Variants in MYF5 observed in about 807,000 individuals in gnomAD.
The protein encoded by MYF5 is class C basic helix-loop-helix protein 2.
Under a neutral mutation model 22.3 loss-of-function variants are expected in MYF5, and 20 were observed. The observed-to-expected ratio is 0.90, with a 90% confidence interval of 0.63 to 1.30. The LOEUF (loss-of-function observed/expected upper bound fraction) is 1.30. MYF5 is among the 50% of genes most tolerant of loss of function. The pLI is 0.00. For synonymous variants in MYF5, 141 were observed against 128.4 expected, an observed-to-expected ratio of 1.10 and a Z score of -0.66; for missense variants, 348 against 325.9, an observed-to-expected ratio of 1.07 and a Z score of -0.52.
In MYF5 at chr12:80,717,131, C is replaced by G. The variant is rs763595024; in HGVS notation, c.68C>G (p.Ser23Cys). Residue 23 changes from serine to cysteine, a missense_variant, in exon 1 of 3, where the codon TCC (serine) becomes TGC (cysteine). By Grantham distance (112) the Ser-to-Cys change is moderately radical. Coordinates refer to ENST00000228644, the MANE Select transcript of MYF5 (RefSeq NM_005593.3). ...EYFYDGSCIP[S>C]PEGEFGDEFV... ...TTCTACGACGGCTCCTGCATACCGTCCCCCGAGGGTGAATTTGGGGACGAG... is the reference window on the plus strand; with the variant it reads ...TTCTACGACGGCTCCTGCATACCGTGCCCCGAGGGTGAATTTGGGGACGAG... 1 of 1,613,586 alleles carries G rather than the reference C, an allele frequency of 6.2e-7. No homozygotes were observed. The highest frequency in any genetic ancestry group is 8.5e-7 in the Non-Finnish European group (1 of 1,180,018).
At chr12:80,717,663 A>T in intron 1 of MYF5, 99 bp downstream of exon 1, 2 of 1,421,614 alleles carry the variant, frequency 1.4e-6, no homozygotes, top group Non-Finnish European at 1.9e-6. Context: ...GGGTGGAGGC[A>T]GATGCTGAGT....
Position 80,718,432 on chromosome 12 carries a change from T to C in MYF5, c.576T>C (p.Asn192=). The change falls in exon 2 of 3, where the codon AAT becomes AAC. Residue 192 remains asparagine (N), a splice_region_variant and synonymous_variant. Coordinates refer to ENST00000228644, the MANE Select transcript of MYF5 (RefSeq NM_005593.3). ...GCATCTACTGTCCTGATGTATCAAA[T>C]GGTAAGAATTGATAACTTCACAGGA... ...FDSIYCPDVS[N]VYATDKNSLS... 6.2e-7 allele frequency: 1 copy of C among 1,609,752 alleles called. No individual in the cohort carries two copies. Among genetic ancestry groups the C allele is most frequent in the South Asian group, 1.1e-5 (1 of 91,014 alleles).
Position 80,719,240 on chromosome 12 carries a change from TTTC to T in MYF5, c.*198_*200del, listed in dbSNP as rs1399052927. On this transcript the variant is annotated 3_prime_UTR_variant, in exon 3 of 3. Transcript: ENST00000228644. Reference sequence around the variant, plus strand: ...AAAAAGTCATCATTGCAAATAATACTTTCTTCTTCTTTATTATTCTTTGCTTAG... The same window carrying T: ...AAAAAGTCATCATTGCAAATAATACTTTCTTCTTTATTATTCTTTGCTTAG... 2.0e-5 allele frequency: 10 copies of T among 493,714 alleles called. No individual in the cohort carries two copies. The South Asian group carries it at 2.5e-4, about 13-fold the overall frequency. 30.6% of individuals were successfully genotyped at this position (493,714 alleles called of 1,614,324 possible). A position where few individuals can be genotyped will look rare whatever the true frequency, so the allele number is the denominator to read the frequency against.
chr12:80,717,027 C>T lies in MYF5; in HGVS notation c.-37C>T. The T allele has an allele frequency of 6.4e-7, 1 of 1,561,790 alleles. No homozygotes were observed. Among genetic ancestry groups the T allele is most frequent in the South Asian group, 1.2e-5 (1 of 86,248 alleles). On this transcript the variant is annotated 5_prime_UTR_variant, in exon 1 of 3. Transcript: ENST00000228644. The stretch of plus-strand genomic sequence containing the variant: ...GGCTCCCGTTTCTCCCCATCCCTCT[C>T]GCTGCCGTCCAGGTGCACCGCCTGC...
chr12:80,718,924 T>A lies in MYF5; in HGVS notation c.641T>A (p.Ile214Asn), dbSNP rs1461693120. 2 of 1,614,030 alleles carry A rather than the reference T, an allele frequency of 1.2e-6. No individual in the cohort carries two copies. The highest frequency in any genetic ancestry group is 2.7e-5 in the African/African-American group (2 of 74,928). ...TGCTTATCCAACATAGTGGACCGGA[T>A]CACCTCCTCAGAGCAACCTGGGTTG... ...LDCLSNIVDR[I>N]TSSEQPGLPL... Residue 214 changes from isoleucine to asparagine, a missense_variant, in exon 3 of 3, where the codon ATC (isoleucine) becomes AAC (asparagine). Ile to Asn is a moderately radical substitution (Grantham distance 149). Transcript: ENST00000228644.
At position 80,718,959 on chromosome 12, in the gene MYF5, G is replaced by T. The variant is rs753011794; in HGVS notation, c.676G>T (p.Asp226Tyr). Residue 226 changes from aspartate (D) to tyrosine (Y), a missense_variant, in exon 3 of 3, where the codon GAT (aspartate) becomes TAT (tyrosine). By Grantham distance (160) the Asp-to-Tyr change is radical (BLOSUM62 -3). Coordinates refer to ENST00000228644, the MANE Select transcript of MYF5 (RefSeq NM_005593.3). ...AGAGCAACCTGGGTTGCCTCTCCAGGATCTGGCTTCTCTCTCTCCAGTTGC... is the reference window on the plus strand; with the variant it reads ...AGAGCAACCTGGGTTGCCTCTCCAGTATCTGGCTTCTCTCTCTCCAGTTGC... ...SSEQPGLPLQ[D>Y]LASLSPVAST... The T allele has an allele frequency of 6.2e-7, 1 of 1,614,066 alleles. No homozygotes were observed. Among genetic ancestry groups the T allele is most frequent in the Non-Finnish European group, 8.5e-7 (1 of 1,180,008 alleles).
chr12:80,718,891 G>T lies in MYF5; in HGVS notation c.608G>T (p.Ser203Ile). ...VYATDKNSLSSLDCLSNIVDR... is the reference protein window; with the variant it reads ...VYATDKNSLSILDCLSNIVDR... ...GCCACAGATAAAAACTCCTTATCCA[G>T]CTTGGATTGCTTATCCAACATAGTG... The change falls in exon 3 of 3, where the codon AGC (serine) becomes ATC (isoleucine). Residue 203 changes from serine (S) to isoleucine (I), a missense_variant. By Grantham distance (142) the Ser-to-Ile change is moderately radical. Coordinates refer to ENST00000228644, the MANE Select transcript of MYF5 (RefSeq NM_005593.3). The T allele has an allele frequency of 6.2e-7, 1 of 1,613,796 alleles. No homozygotes were observed. Among genetic ancestry groups the T allele is most frequent in the East Asian group, 2.2e-5 (1 of 44,868 alleles).
In MYF5 at chr12:80,719,553, C is replaced by A. The variant is rs1433064805; in HGVS notation, c.*502C>A. On this transcript the variant is annotated 3_prime_UTR_variant, in exon 3 of 3. Transcript: ENST00000228644. ...TACTGCCTAATGTATATATTTTGAT[C>A]TTTTCTTGTAAGAAATGTATCTTTT... The A allele has an allele frequency of 6.6e-6, 1 of 151,792 alleles. No homozygotes were observed. The highest frequency in any genetic ancestry group is 2.4e-5 in the African/African-American group (1 of 41,356). The allele number at this position is 151,792 out of a possible 1,614,324, so 9.4% of individuals were successfully genotyped here.
At chr12:80,718,511 G>T in intron 2 of MYF5, 78 bp downstream of exon 2, 1 of 1,262,104 alleles carries the variant, frequency 7.9e-7, no homozygotes, top group Non-Finnish European at 1.2e-6. Context: ...TGTTCTTGCT[G>T]ATAGTATTGG....
In MYF5 at chr12:80,716,927, C is replaced by T; in HGVS notation, c.-137C>T. The T allele has an allele frequency of 2.8e-6, 3 of 1,057,038 alleles. No individual in the cohort carries two copies. The highest frequency in any genetic ancestry group is 4.0e-6 in the Non-Finnish European group (3 of 747,150). 65.5% of individuals were successfully genotyped at this position (1,057,038 alleles called of 1,614,324 possible). A position where few individuals can be genotyped will look rare whatever the true frequency, so the allele number is the denominator to read the frequency against. ...CAGCTTGTCTACCCAGGCCAACAGG[C>T]GTCTGCCCTTGTTAATTACCGGAGC... On this transcript the variant is annotated 5_prime_UTR_variant, in exon 1 of 3. Coordinates refer to ENST00000228644, the MANE Select transcript of MYF5 (RefSeq NM_005593.3).
chr12:80,719,237 T>C lies in MYF5; in HGVS notation c.*186T>C. 1 of 508,464 alleles carries C rather than the reference T, an allele frequency of 2.0e-6. No individual in the cohort carries two copies. 31.5% of individuals were successfully genotyped at this position (508,464 alleles called of 1,614,324 possible). On this transcript the variant is annotated 3_prime_UTR_variant, in exon 3 of 3. Transcript: ENST00000228644. Reference sequence around the variant, plus strand: ...ACTAAAAAGTCATCATTGCAAATAATACTTTCTTCTTCTTTATTATTCTTT... The same window carrying C: ...ACTAAAAAGTCATCATTGCAAATAACACTTTCTTCTTCTTTATTATTCTTT...
At chr12:80,718,663 A>G (rs1868667572) in intron 2 of MYF5, among the ~76,000 whole-genome samples, 198 bp from the exon 3 acceptor site, 1 of 152,126 alleles carries the variant, frequency 6.6e-6, no homozygotes, top group South Asian at 2.1e-4. Flanking sequence ...TTGAAATATT[A>G]TCAGGGGGCT....
chr12:80,717,877 C>A (rs17007214), intron 1 of MYF5, among the ~76,000 whole-genome samples: 26,636 of 151,950 alleles, frequency 0.18, 3,454 homozygotes, highest in African/African-American at 0.36. Flanking sequence ...TGGATCATGC[C>A]CTACGCTAAT....
rs375987118 is a variant in MYF5, at chr12:80,719,046, C to G, written c.763C>G (p.Leu255Val). Residue 255 changes from leucine (L) to valine (V), a missense_variant, in exon 3 of 3, where the codon CTA (leucine) becomes GTA (valine). Leu to Val is a conservative substitution (Grantham distance 32). Coordinates refer to ENST00000228644, the MANE Select transcript of MYF5 (RefSeq NM_005593.3). The part of the protein sequence containing the change: ...ASSSRLIYHV[L>V] ...TAGTTCCAGGCTTATCTATCATGTG[C>G]TATGAACTAATTTTCTGGTCTATAT... 3 of 1,613,558 alleles carry G rather than the reference C, an allele frequency of 1.9e-6. No homozygotes were observed. The highest frequency in any genetic ancestry group is 2.5e-6 in the Non-Finnish European group (3 of 1,179,778).
At position 80,719,300 on chromosome 12, in the gene MYF5, C is replaced by T; in HGVS notation, c.*249C>T. The T allele has an allele frequency of 4.1e-6, 1 of 243,220 alleles. No individual in the cohort carries two copies. Among genetic ancestry groups the T allele is most frequent in the Admixed American group, 5.1e-5 (1 of 19,508 alleles). The allele number at this position is 243,220 out of a possible 1,614,324, so 15.1% of individuals were successfully genotyped here. The stretch of plus-strand genomic sequence containing the variant: ...ATACATAGTTCCAGTAATACTATTT[C>T]TGATAGGGGGCCATTGATTGAGGGT... On this transcript the variant is annotated 3_prime_UTR_variant, in exon 3 of 3. Coordinates refer to ENST00000228644, the MANE Select transcript of MYF5 (RefSeq NM_005593.3).
chr12:80,717,225 C>A lies in MYF5; in HGVS notation c.162C>A (p.His54Gln), dbSNP rs137928686. 2 of 1,613,914 alleles carry A rather than the reference C, an allele frequency of 1.2e-6. No individual in the cohort carries two copies. The highest frequency in any genetic ancestry group is 8.5e-7 in the Non-Finnish European group (1 of 1,180,042). ...AELQGSDEDE[H>Q]VRAPTGHHQA... is the part of the protein sequence containing the mutation. ...TGCAGGGCTCAGATGAGGACGAGCA[C>A]GTGCGAGCGCCTACCGGCCACCACC... The change falls in exon 1 of 3, where the codon CAC becomes CAA. Residue 54 changes from histidine to glutamine, a missense_variant. Coordinates refer to ENST00000228644, the MANE Select transcript of MYF5 (RefSeq NM_005593.3).
At chr12:80,718,183 A>G (rs1868654070) in intron 1 of MYF5, among the ~76,000 whole-genome samples, 175 bp from the exon 2 acceptor site, 1 of 152,036 alleles carries the variant, frequency 6.6e-6, no homozygotes, top group Non-Finnish European at 1.5e-5. Flanking sequence ...AAGCACAGAG[A>G]TTGACCTCAG....
chr12:80,717,046 CGCCT>C lies in MYF5; in HGVS notation c.-13_-10del. Reference sequence around the variant, plus strand: ...CCCTCTCGCTGCCGTCCAGGTGCACCGCCTGCCTCTCAGCAGGATGGACGTGATG... The same window carrying C: ...CCCTCTCGCTGCCGTCCAGGTGCACCGCCTCTCAGCAGGATGGACGTGATG... On this transcript the variant is annotated 5_prime_UTR_variant, in exon 1 of 3. Transcript: ENST00000228644. 1 of 1,579,810 alleles carries C rather than the reference CGCCT, an allele frequency of 6.3e-7. No individual in the cohort carries two copies. The highest frequency in any genetic ancestry group is 8.6e-7 in the Non-Finnish European group (1 of 1,163,512).
Position 80,717,415 on chromosome 12 carries a change from C to T in MYF5, c.352C>T (p.Leu118=). ...TACCACGACCAACCCCAACCAGAGG[C>T]TGCCCAAGGTGGAGATCCTCAGGAA... is the stretch of plus-strand genomic sequence containing the variant. ...RCTTTNPNQR[L]PKVEILRNAI... The change falls in exon 1 of 3, where the codon CTG becomes TTG. Residue 118 remains leucine, a synonymous_variant. Transcript: ENST00000228644. The T allele has an allele frequency of 6.2e-7, 1 of 1,614,198 alleles. No individual in the cohort carries two copies. Among genetic ancestry groups the T allele is most frequent in the Non-Finnish European group, 8.5e-7 (1 of 1,180,038 alleles).
Sources: gnomAD v4.1 joint callset for allele counts (sites outside exome capture counted in the v4.1 genomes callset) on GRCh38, gnomAD v4.1.1 for gene constraint, MANE v1.5 for transcripts, NCBI Gene and HGNC (gene_info 2026-07-23, HGNC 2026-07-21) for gene names.